Variants in BLK observed in about 807,000 individuals in gnomAD.
BLK encodes BLK proto-oncogene, Src family tyrosine kinase, also known as tyrosine-protein kinase Blk.
A neutral mutation model predicts 61.8 loss-of-function variants in BLK; 64 were observed. The observed-to-expected ratio is 1.03, with a 90% CI of 0.85 to 1.27. BLK has a LOEUF of 1.27. Ranked by LOEUF, BLK falls within the 50% of genes most tolerant of loss-of-function variation. BLK has a pLI of 0.00. For missense variants in BLK, 853 were observed against 660.5 expected (o/e 1.29, Z -3.19); for synonymous variants, 351 against 272.0 (o/e 1.29, Z -2.86).
At chr8:11,553,235 C>G in intron 6 of BLK, 1 of 198,870 alleles carries the variant, frequency 5.0e-6, no homozygotes, top group Non-Finnish European at 1.1e-5. Context: ...GTCCTTGAGC[C>G]TCTCAAGCCT....
intron 1 of BLK, among the ~76,000 whole-genome samples, chr8:11,530,763 A>C (rs1275367299): frequency 6.6e-6 from 1 of 152,238 alleles, no homozygotes; most frequent in Non-Finnish European, 1.5e-5. Context: ...AGATTTTTCC[A>C]GTTACTGAAT....
chr8:11,531,407 T>G (rs761416149), intron 1 of BLK, among the ~76,000 whole-genome samples: 6 of 152,230 alleles, frequency 3.9e-5, no homozygotes, highest in Admixed American at 1.3e-4. Context: ...GTTTGTATGC[T>G]TCTGACTCAT....
intron 5 of BLK, 78 bp downstream of exon 5, chr8:11,549,200 G>T (rs1800794962): frequency 7.5e-7 from 1 of 1,337,920 alleles, no homozygotes; most frequent in South Asian, 1.3e-5. Context: ...GCAGGGCAGG[G>T]CCAGAGTGGG....
intron 1 of BLK, among the ~76,000 whole-genome samples, chr8:11,537,159 A>G (rs1254195074): frequency 6.6e-6 from 1 of 152,252 alleles, no homozygotes; most frequent in African/African-American, 2.4e-5. Context: ...GACATGAAAC[A>G]TGAATTTTAA....
At chr8:11,534,198 G>A (rs1383330659) in intron 1 of BLK, among the ~76,000 whole-genome samples, 5 of 152,234 alleles carry the variant, frequency 3.3e-5, no homozygotes, top group Non-Finnish European at 5.9e-5. Flanking sequence ...CCATTGGGAA[G>A]TAATGACCCA....
intron 11 of BLK, among the ~76,000 whole-genome samples, chr8:11,562,210 C>T (rs765039090): frequency 1.3e-5 from 2 of 152,166 alleles, no homozygotes; most frequent in Non-Finnish European, 2.9e-5. Flanking sequence ...ATCAGCAAAC[C>T]AACCTGTATT....
chr8:11,515,304 C>T (rs1374192791), intron 1 of BLK, among the ~76,000 whole-genome samples: 2 of 152,132 alleles, frequency 1.3e-5, no homozygotes, highest in African/African-American at 4.8e-5. Flanking sequence ...GCTTGACCTC[C>T]GTCAGTCTTC....
At chr8:11,563,576 C>T (rs1235636044) in intron 12 of BLK, among the ~76,000 whole-genome samples, 1 of 152,194 alleles carries the variant, frequency 6.6e-6, no homozygotes, top group African/African-American at 2.4e-5. Context: ...GTGCACCTGG[C>T]AGCTGCCCAT....
intron 1 of BLK, among the ~76,000 whole-genome samples, chr8:11,507,986 T>C (rs1798845502): frequency 6.6e-6 from 1 of 152,094 alleles, no homozygotes; most frequent in African/African-American, 2.4e-5. Context: ...GTGTGGCACA[T>C]CAGGCACACT....
chr8:11,495,754 G>A (rs1277153816), intron 1 of BLK, among the ~76,000 whole-genome samples: 1 of 152,174 alleles, frequency 6.6e-6, no homozygotes, highest in African/African-American at 2.4e-5. Context: ...ACACCGCAAA[G>A]GTCATTAGTG....
chr8:11,560,484 C>T (rs1801459480), intron 10 of BLK: 1 of 248,222 alleles, frequency 4.0e-6, no homozygotes. Flanking sequence ...AATTCTAGTG[C>T]TGGCTTCTTG....
intron 1 of BLK, among the ~76,000 whole-genome samples, chr8:11,508,985 G>A (rs745815661): frequency 6.6e-6 from 1 of 152,206 alleles, no homozygotes; most frequent in Non-Finnish European, 1.5e-5. Context: ...AGGCAAGGGA[G>A]GTCGTTAGCA....
chr8:11,560,914 G>A (rs776216824), intron 10 of BLK: 3 of 472,300 alleles, frequency 6.4e-6, no homozygotes, highest in South Asian at 1.5e-5. Context: ...GCCAGCCAGT[G>A]AGAGCTGCCT....
chr8:11,522,429 G>A (rs927284813), intron 1 of BLK, among the ~76,000 whole-genome samples: 2 of 152,116 alleles, frequency 1.3e-5, no homozygotes, highest in Non-Finnish European at 2.9e-5. Context: ...AAATGGGTTC[G>A]ATCGCTTTGG....
chr8:11,515,124 G>T (rs188905660), intron 1 of BLK, among the ~76,000 whole-genome samples: 133 of 152,296 alleles, frequency 8.7e-4, no homozygotes, highest in African/African-American at 3.1e-3. Context: ...TCAGGGTTTT[G>T]CCCTGTTTTG....
In BLK at chr8:11,564,059, TG is replaced by T. The variant is rs1436601574; in HGVS notation, c.1471del (p.Glu491ArgfsTer93). ...RPTFEFLQSV[L>X]EDFYTATERQ... ...ACCTTCGAGTTCCTGCAGTCGGTGCTGGAGGACTTCTACACGGCCACCGAGC... is the reference window on the plus strand; with the variant it reads ...ACCTTCGAGTTCCTGCAGTCGGTGCTGAGGACTTCTACACGGCCACCGAGC... On this transcript the variant is annotated frameshift_variant, in exon 13 of 13. Transcript: ENST00000259089. LOFTEE classifies it high-confidence loss of function. The T allele has an allele frequency of 6.9e-6, 11 of 1,600,832 alleles. No homozygotes were observed. The African/African-American group carries it at 1.1e-4, about 16-fold the overall frequency.
intron 1 of BLK, among the ~76,000 whole-genome samples, chr8:11,517,458 A>G (rs1483481233): frequency 6.6e-6 from 1 of 152,208 alleles, no homozygotes; most frequent in South Asian, 2.1e-4. Context: ...GACTTCTACC[A>G]GCCACTTTCC....
chr8:11,533,538 T>C (rs1799980623), intron 1 of BLK, among the ~76,000 whole-genome samples: 1 of 151,146 alleles, frequency 6.6e-6, no homozygotes, highest in African/African-American at 2.4e-5. Flanking sequence ...GTCAGAGATG[T>C]GGCTCAAATC....
At chr8:11,528,513 TG>T (rs1335742707) in intron 1 of BLK, among the ~76,000 whole-genome samples, 2 of 152,060 alleles carry the variant, frequency 1.3e-5, no homozygotes, top group Non-Finnish European at 2.9e-5. Context: ...CACACACACT[TG>T]GGCTTCAGCA....
Sources: allele counts gnomAD v4.1 joint callset (sites outside exome capture counted in the v4.1 genomes callset), GRCh38; gene constraint gnomAD v4.1.1; transcripts MANE v1.5; gene names NCBI Gene and HGNC (gene_info 2026-07-23, HGNC 2026-07-21).